The following CDH12 variants were observed in gnomAD, a reference collection of about 807,000 sequenced individuals.
CDH12 encodes the protein cadherin 12, also known as cadherin-12.
A neutral mutation model predicts 74.1 loss-of-function variants in CDH12; 41 were observed. The ratio of observed to expected loss-of-function variants is 0.55; its 90% CI spans 0.43 to 0.72. The LOEUF (loss-of-function observed/expected upper bound fraction) is 0.72. Ranked by LOEUF, CDH12 falls within the 30% of genes least tolerant of loss-of-function variation. The pLI is 0.00. For synonymous variants in CDH12, 399 were observed against 355.0 expected (o/e 1.12, Z -1.39); for missense variants, 945 against 977.2 (o/e 0.97, Z 0.44).
chr5:22,795,594 T>C (rs1390338982), intron 1 of CDH12, among the ~76,000 whole-genome samples: 2 of 149,764 alleles, frequency 1.3e-5, no homozygotes, highest in Non-Finnish European at 3.0e-5. Flanking sequence ...ATATATATTA[T>C]ACACACACAC....
intron 5 of CDH12, among the ~76,000 whole-genome samples, chr5:21,997,190 G>T (rs1281893135): frequency 6.6e-6 from 1 of 152,092 alleles, no homozygotes; most frequent in Non-Finnish European, 1.5e-5. Flanking sequence ...GTCTGGGAAC[G>T]AAACTCAGGT....
At chr5:22,685,001 A>C (rs1741685645) in intron 1 of CDH12, among the ~76,000 whole-genome samples, 1 of 152,122 alleles carries the variant, frequency 6.6e-6, no homozygotes, top group African/African-American at 2.4e-5. Context: ...TTTGATAATA[A>C]AAATAGTTTT....
chr5:21,840,607 A>G (rs1371193920), intron 8 of CDH12, among the ~76,000 whole-genome samples: 1 of 152,010 alleles, frequency 6.6e-6, no homozygotes, highest in East Asian at 1.9e-4. Context: ...TTCAAACTAT[A>G]CTACAAGGCT....
chr5:21,930,049 A>C (rs1754764352), intron 6 of CDH12, among the ~76,000 whole-genome samples: 1 of 152,136 alleles, frequency 6.6e-6, no homozygotes, highest in Non-Finnish European at 1.5e-5. Context: ...GTAATCAGAA[A>C]TTTTGCTTTA....
intron 6 of CDH12, among the ~76,000 whole-genome samples, chr5:21,925,198 C>A (rs577147590): frequency 6.6e-6 from 1 of 152,282 alleles, no homozygotes; most frequent in South Asian, 2.1e-4. Context: ...AAATCACAAT[C>A]CATTTTTACA....
At chr5:22,800,699 C>T (rs4701202) in intron 1 of CDH12, among the ~76,000 whole-genome samples, 15,249 of 152,130 alleles carry the variant, frequency 0.1, 964 homozygotes, top group Non-Finnish European at 0.14. Context: ...ACCACCTTTT[C>T]ATACCTCTCT....
At chr5:21,826,318 C>T (rs1284014918) in intron 8 of CDH12, among the ~76,000 whole-genome samples, 1 of 152,092 alleles carries the variant, frequency 6.6e-6, no homozygotes, top group Non-Finnish European at 1.5e-5. Flanking sequence ...GAAGATTCTC[C>T]TACTAGTCAC....
chr5:22,563,382 T>C (rs1739150865), intron 1 of CDH12, among the ~76,000 whole-genome samples: 4 of 152,158 alleles, frequency 2.6e-5, no homozygotes. Flanking sequence ...TGAATTCTTC[T>C]GAGAAATGTC....
At chr5:22,416,481 G>A (rs544933459) in intron 2 of CDH12, among the ~76,000 whole-genome samples, 3 of 152,188 alleles carry the variant, frequency 2.0e-5, no homozygotes, top group East Asian at 3.9e-4. Flanking sequence ...AGTTATTGGC[G>A]TGCATTGGAA....
intron 1 of CDH12, among the ~76,000 whole-genome samples, chr5:22,623,284 T>A (rs1738079349): frequency 6.6e-6 from 1 of 152,190 alleles, no homozygotes; most frequent in Non-Finnish European, 1.5e-5. Context: ...TCACCACTCC[T>A]ATTCAACATA....
At chr5:22,823,105 C>T (rs943255646) in intron 1 of CDH12, among the ~76,000 whole-genome samples, 27 of 151,870 alleles carry the variant, frequency 1.8e-4, no homozygotes, top group African/African-American at 6.0e-4. Flanking sequence ...AAATTGGAAA[C>T]CATCATTCTC....
intron 1 of CDH12, among the ~76,000 whole-genome samples, chr5:22,707,382 C>A (rs1329543675): frequency 6.6e-6 from 1 of 152,106 alleles, no homozygotes; most frequent in African/African-American, 2.4e-5. Flanking sequence ...TAACTTTTAA[C>A]TATGATTTCA....
At position 22,323,930 on chromosome 5, in the gene CDH12, C is replaced by G. The variant is rs574467372; in HGVS notation, c.-333+81327G>C. On this transcript the variant is annotated intron_variant, in intron 3 of 14. Coordinates refer to ENST00000382254, the MANE Select transcript of CDH12 (RefSeq NM_004061.5). ...TGTAAATCTGAATAATAGTAATTGACTTGCCCAAAAGTCTTGAGGCCCATC... is the reference window on the plus strand; with the variant it reads ...TGTAAATCTGAATAATAGTAATTGAGTTGCCCAAAAGTCTTGAGGCCCATC... Among the ~76,000 whole-genome samples the G allele has an allele frequency of 4.9e-4, 74 of 152,252 alleles. 3 individuals carry two copies. The South Asian group carries it at 6.6e-3, about 14-fold the overall frequency.
chr5:22,102,247 C>G (rs1744177759), intron 4 of CDH12, among the ~76,000 whole-genome samples: 1 of 152,074 alleles, frequency 6.6e-6, no homozygotes, highest in Admixed American at 6.5e-5. Flanking sequence ...GTCCAGAGAG[C>G]TTTCTCCATC....
intron 1 of CDH12, among the ~76,000 whole-genome samples, chr5:22,599,836 C>T (rs1736772133): frequency 6.6e-6 from 1 of 152,024 alleles, no homozygotes; most frequent in Non-Finnish European, 1.5e-5. Context: ...CTTTAATCTG[C>T]AAAGATATCC....
intron 2 of CDH12, among the ~76,000 whole-genome samples, chr5:22,440,091 C>T (rs1288609948): frequency 3.3e-5 from 5 of 151,970 alleles, no homozygotes; most frequent in Admixed American, 3.3e-4. Context: ...CAACTATTTG[C>T]CCTTAAGAAC....
At position 22,695,316 on chromosome 5, in the gene CDH12, T is replaced by A. The variant is rs185601799; in HGVS notation, c.-523+157742A>T. ...GCTACAATAAACATACGTTTGTATG[T>A]GTACTTACAGCAGAATGAGTTGTAA... On this transcript the variant is annotated intron_variant, in intron 1 of 14. Transcript: ENST00000382254. 7.9e-5 allele frequency among the ~76,000 whole-genome samples: 12 copies of A among 152,316 alleles called. No homozygotes were observed. In the East Asian group the frequency reaches 2.3e-3, roughly 29 times the overall value.
intron 7 of CDH12, among the ~76,000 whole-genome samples, chr5:21,848,420 T>C (rs1429728077): frequency 6.6e-6 from 1 of 152,006 alleles, no homozygotes; most frequent in Non-Finnish European, 1.5e-5. Flanking sequence ...AGAATATAAG[T>C]TTCTGTTTTC....
intron 1 of CDH12, among the ~76,000 whole-genome samples, chr5:22,668,846 T>C (rs925354480): frequency 2.0e-5 from 3 of 152,130 alleles, no homozygotes; most frequent in African/African-American, 7.2e-5. Flanking sequence ...TCCACCCTTT[T>C]ATCTCTTCTC....
Sources: allele counts gnomAD v4.1 joint callset (sites outside exome capture counted in the v4.1 genomes callset), GRCh38; gene constraint gnomAD v4.1.1; transcripts MANE v1.5; gene names NCBI Gene and HGNC (gene_info 2026-07-23, HGNC 2026-07-21).